The following PIEZO2 variants were observed in gnomAD, a reference collection of about 807,000 sequenced individuals.
PIEZO2 encodes the protein piezo-type mechanosensitive ion channel component 2.
In PIEZO2, 172 loss-of-function variants were observed where a neutral mutation model predicts 337.3. That is an observed-to-expected ratio of 0.51 (90% CI 0.45 to 0.58). The LOEUF (loss-of-function observed/expected upper bound fraction) is 0.58, where lower values mean the gene tolerates loss of function less well. PIEZO2 is among the 20% of genes least tolerant of loss of function. The pLI is 0.00. For synonymous variants in PIEZO2, 1,251 were observed against 1,228.5 expected, an observed-to-expected ratio of 1.02 and a Z score of -0.38; for missense variants, 3,028 against 3,391.3, an observed-to-expected ratio of 0.89 and a Z score of 2.66.
Position 11,013,422 on chromosome 18 carries a change from G to A in PIEZO2, c.161-33762C>T, listed in dbSNP as rs373962110. 1.1e-4 allele frequency among the ~76,000 whole-genome samples: 16 copies of A among 152,302 alleles called. No individual in the cohort carries two copies. The South Asian group carries it at 2.5e-3, about 24-fold the overall frequency. Reference sequence around the variant, plus strand: ...TTTCAGACTCCTGACCCATAGAACTGTAAGATAATACATTTGTATTGTCTT... The same window carrying A: ...TTTCAGACTCCTGACCCATAGAACTATAAGATAATACATTTGTATTGTCTT... On this transcript the variant is annotated intron_variant, in intron 2 of 55. Transcript: ENST00000674853.
At position 11,016,525 on chromosome 18, in the gene PIEZO2, G is replaced by C. The variant is rs1237034352; in HGVS notation, c.161-36865C>G. 6.6e-6 allele frequency among the ~76,000 whole-genome samples: 1 copy of C among 152,148 alleles called. No homozygotes were observed. Among genetic ancestry groups the C allele is most frequent in the Non-Finnish European group, 1.5e-5 (1 of 68,030 alleles). ...TCGGGTTAAGCGGCTTAACAAAGAGGTGTGCCCGAGAAATGCAATTAGTTC... is the reference window on the plus strand; with the variant it reads ...TCGGGTTAAGCGGCTTAACAAAGAGCTGTGCCCGAGAAATGCAATTAGTTC... On this transcript the variant is annotated intron_variant, in intron 2 of 55. Coordinates refer to ENST00000674853, the MANE Select transcript of PIEZO2 (RefSeq NM_001378183.1). This position sits in a 1 kb window ranked among gnomAD's most constrained non-coding sequence, Gnocchi z 5.6.
intron 4 of PIEZO2, among the ~76,000 whole-genome samples, chr18:10,880,899 AT>A (rs2042401492): frequency 2.2e-5 from 2 of 91,570 alleles, no homozygotes; most frequent in East Asian, 3.2e-4. Context: ...ATATATATAT[AT>A]AATTTTGATA....
At chr18:11,013,817 G>A (rs1039352605) in intron 2 of PIEZO2, among the ~76,000 whole-genome samples, 6 of 152,202 alleles carry the variant, frequency 3.9e-5, no homozygotes, top group Non-Finnish European at 7.3e-5. Flanking sequence ...GCCCATTACA[G>A]AGGCTTTTAA....
intron 2 of PIEZO2, among the ~76,000 whole-genome samples, chr18:11,010,836 G>A (rs1598823009): frequency 6.6e-6 from 1 of 152,286 alleles, no homozygotes. Flanking sequence ...AGAATTACAT[G>A]GCTCAGAGAG....
chr18:10,674,451 C>T (rs913738630), intron 54 of PIEZO2, among the ~76,000 whole-genome samples: 11 of 152,198 alleles, frequency 7.2e-5, no homozygotes, highest in Admixed American at 2.0e-4. Context: ...ATGTGGAGCC[C>T]GGCCTTTTGC....
rs2038805515 is a variant in PIEZO2 at position 11,083,059 on chromosome 18, G to A, written c.65-16837C>T. ...GATGTGGACATCACCTCTTGATTCT[G>A]CAGAGTTCACTTAGGCCGTTGCTTA... is the stretch of plus-strand genomic sequence containing the variant. On this transcript the variant is annotated intron_variant, in intron 1 of 55. Coordinates refer to ENST00000674853, the MANE Select transcript of PIEZO2 (RefSeq NM_001378183.1). The surrounding 1 kb of genome is among the most constrained non-coding windows in gnomAD (Gnocchi z 4.4). 6.6e-6 allele frequency among the ~76,000 whole-genome samples: 1 copy of A among 152,142 alleles called. No individual in the cohort carries two copies. Among genetic ancestry groups the A allele is most frequent in the Non-Finnish European group, 1.5e-5 (1 of 68,010 alleles).
At chr18:10,957,032 A>G (rs2033565963) in intron 3 of PIEZO2, among the ~76,000 whole-genome samples, 1 of 151,876 alleles carries the variant, frequency 6.6e-6, no homozygotes, top group African/African-American at 2.4e-5. Flanking sequence ...AATAAACCTA[A>G]GTATATGTGG....
chr18:10,675,903 T>G (rs1322927170), intron 53 of PIEZO2, among the ~76,000 whole-genome samples: 1 of 152,184 alleles, frequency 6.6e-6, no homozygotes, highest in Non-Finnish European at 1.5e-5. Context: ...CCCACCGCCA[T>G]GTAAGATGTG....
At position 10,803,919 on chromosome 18, in the gene PIEZO2, G is replaced by T; in HGVS notation, c.1156C>A (p.Arg386=). ...TAATGGGTTGCGTACCACAGGCTCC[G>T]CCTCCTCCCCGCTGTTATTTGGATG... The part of the protein sequence containing the change: ...SPIQITAGRR[R]SLWYATHYPT... Residue 386 remains arginine, a synonymous_variant, in exon 9 of 56, where the codon CGG becomes AGG. Transcript: ENST00000674853. 6.5e-7 allele frequency: 1 copy of T among 1,537,246 alleles called. No individual in the cohort carries two copies. Among genetic ancestry groups the T allele is most frequent in the Non-Finnish European group, 8.7e-7 (1 of 1,146,922 alleles).
chr18:11,147,280 T>TGCTGCCCCGGGACCCC (rs1159405518), intron 1 of PIEZO2, among the ~76,000 whole-genome samples: 1 of 152,122 alleles, frequency 6.6e-6, no homozygotes. Flanking sequence ...GGGTCCCTCC[T>TGCTGCCCCGGGACCCC]GCTGCCCCGG....
intron 7 of PIEZO2, among the ~76,000 whole-genome samples, chr18:10,810,169 G>A (rs565367644): frequency 2.6e-4 from 40 of 152,154 alleles, no homozygotes; most frequent in East Asian, 3.9e-4. Context: ...GGGTGAGGAC[G>A]CAAGTATATG....
chr18:10,808,535 T>C (rs181521845), intron 7 of PIEZO2, among the ~76,000 whole-genome samples: 9 of 152,354 alleles, frequency 5.9e-5, no homozygotes, highest in Admixed American at 5.2e-4. Context: ...GTAATATTAG[T>C]GTATTGATGA....
Position 10,750,141 on chromosome 18 carries a change from C to T in PIEZO2, c.4214G>A (p.Trp1405Ter), listed in dbSNP as rs1260351252. The change falls in exon 29 of 56, where the codon TGG (tryptophan) becomes TAG (stop). Residue 1405 changes from tryptophan to a stop codon, truncating the protein, a stop_gained. Coordinates refer to ENST00000674853, the MANE Select transcript of PIEZO2 (RefSeq NM_001378183.1). LOFTEE classifies it high-confidence loss of function. The surrounding 1 kb of genome is among the most constrained non-coding windows in gnomAD (Gnocchi z 4.1). The part of the protein sequence containing the change: ...YIGTLVHNSC[W>*]LIQAFSLACT... ...GGCCAGGCTGAAAGCCTGGATCAAC[C>T]AACAACTATTGTGCACCAATGTTCC... 2 of 1,537,054 alleles carry T rather than the reference C, an allele frequency of 1.3e-6. No homozygotes were observed. The highest frequency in any genetic ancestry group is 1.7e-6 in the Non-Finnish European group (2 of 1,146,868).
chr18:10,694,884 A>G (rs965544041), intron 47 of PIEZO2, among the ~76,000 whole-genome samples: 1 of 152,156 alleles, frequency 6.6e-6, no homozygotes, highest in Non-Finnish European at 1.5e-5. Context: ...AGCATGTCAC[A>G]GTCTGGGAGT....
At chr18:10,738,769 A>G (rs774038941) in intron 33 of PIEZO2, 16 of 152,216 alleles carry the variant, frequency 1.1e-4, no homozygotes, top group Non-Finnish European at 2.2e-4. Context: ...TATCAATAAG[A>G]TGAAGCTTGG....
chr18:10,745,872 C>T (rs917249058), intron 30 of PIEZO2, among the ~76,000 whole-genome samples: 14 of 152,122 alleles, frequency 9.2e-5, no homozygotes, highest in African/African-American at 3.4e-4. Flanking sequence ...GCCCATGAGA[C>T]CTACAACTCC....
At chr18:11,053,420 T>C (rs1442693209) in intron 2 of PIEZO2, among the ~76,000 whole-genome samples, 1 of 152,206 alleles carries the variant, frequency 6.6e-6, no homozygotes, top group Non-Finnish European at 1.5e-5. Flanking sequence ...TTCAAATTAA[T>C]AATGCTGTGC....
At position 11,146,850 on chromosome 18, in the gene PIEZO2, A is replaced by C. The variant is rs8096410; in HGVS notation, c.64+1675T>G. ...ATGGGGGATGGGGAAGAGGGTGTCC[A>C]TCCTCCAGGAACAGTGGCGAGGAGG... On this transcript the variant is annotated intron_variant, in intron 1 of 55. Transcript: ENST00000674853. The surrounding 1 kb of genome is among the most constrained non-coding windows in gnomAD (Gnocchi z 6.1). 1.3e-5 allele frequency among the ~76,000 whole-genome samples: 2 copies of C among 152,102 alleles called. No homozygotes were observed. The highest frequency in any genetic ancestry group is 2.9e-5 in the Non-Finnish European group (2 of 68,000).
chr18:10,741,376 C>G (rs1376453563), intron 32 of PIEZO2, among the ~76,000 whole-genome samples: 1 of 152,170 alleles, frequency 6.6e-6, no homozygotes, highest in African/African-American at 2.4e-5. Flanking sequence ...AAAGGATTAT[C>G]TGTCAAAAAT....
Sources: allele counts gnomAD v4.1 joint callset (sites outside exome capture counted in the v4.1 genomes callset), GRCh38; gene constraint gnomAD v4.1.1; non-coding constraint Gnocchi (gnomAD v3.1); transcripts MANE v1.5; gene names NCBI Gene and HGNC (gene_info 2026-07-23, HGNC 2026-07-21).